Variants in TENT4A observed in about 807,000 individuals in gnomAD.
TENT4A encodes terminal nucleotidyltransferase 4A.
Under a neutral mutation model 72.8 loss-of-function variants are expected in TENT4A, and 7 were observed. The ratio of observed to expected loss-of-function variants is 0.10; its 90% CI spans 0.05 to 0.18. The LOEUF (loss-of-function observed/expected upper bound fraction) is 0.18, where lower values mean the gene tolerates loss of function less well. Among genes scored for constraint, TENT4A ranks in the 10% least tolerant of loss-of-function variants. The pLI, the probability that TENT4A is intolerant of heterozygous loss-of-function variation, is 1.00. For synonymous variants in TENT4A, 456 were observed against 434.3 expected, an observed-to-expected ratio of 1.05 and a Z score of -0.62; for missense variants, 831 against 1,017.7, an observed-to-expected ratio of 0.82 and a Z score of 2.50.
chr5:6,751,746 AT>A (rs1742419542), intron 11 of TENT4A, among the ~76,000 whole-genome samples: 2 of 152,354 alleles, frequency 1.3e-5, no homozygotes, highest in South Asian at 4.1e-4. Flanking sequence ...TCTACTTGCG[AT>A]TATACATCAC....
intron 2 of TENT4A, among the ~76,000 whole-genome samples, chr5:6,737,906 T>TGG (rs951146422): frequency 7.7e-6 from 1 of 129,554 alleles, no homozygotes; most frequent in African/African-American, 2.7e-5. Flanking sequence ...AGGGATTTGT[T>TGG]GGGTTTTTTT....
chr5:6,750,269 G>C (rs1277629196), intron 9 of TENT4A, 62 bp from the exon 10 acceptor site: 21 of 1,435,544 alleles, frequency 1.5e-5, no homozygotes, highest in Non-Finnish European at 1.9e-5. Context: ...GACTGATGCT[G>C]CCGGGGCGGC....
intron 1 of TENT4A, among the ~76,000 whole-genome samples, chr5:6,736,580 T>A (rs1440496931): frequency 6.6e-6 from 1 of 152,232 alleles, no homozygotes; most frequent in African/African-American, 2.4e-5. Flanking sequence ...AATTAATCCC[T>A]TAAAGGAAAA....
At position 6,754,860 on chromosome 5, in the gene TENT4A, G is replaced by A; in HGVS notation, c.2294G>A (p.Gly765Glu). The A allele has an allele frequency of 6.2e-7, 1 of 1,610,288 alleles. No homozygotes were observed. Among genetic ancestry groups the A allele is most frequent in the Non-Finnish European group, 8.5e-7 (1 of 1,177,416 alleles). ...GTGCGGCCCCCTGTGGGCAACAGGG[G>A]ACACCACCAGTATAACCGCACCGGC... is the stretch of plus-strand genomic sequence containing the variant. ...GGVRPPVGNR[G>E]HHQYNRTGWR... Residue 765 changes from glycine (G) to glutamate (E), a missense_variant, in exon 13 of 13, where the codon GGA becomes GAA. Physicochemically the swap from Gly to Glu is moderately conservative, Grantham distance 98. This residue lies in a region of TENT4A where 332 missense variants were observed against 324.3 expected (regional missense o/e 1.02). Transcript: ENST00000230859.
intron 8 of TENT4A, 28 bp downstream of exon 8, chr5:6,748,618 C>A: frequency 6.3e-7 from 1 of 1,596,606 alleles, no homozygotes. Context: ...TGCGTCTGGG[C>A]TCAGCGTGCC....
In TENT4A at chr5:6,714,655, C is replaced by G; in HGVS notation, c.672C>G (p.Pro224=). The G allele has an allele frequency of 3.3e-6, 4 of 1,198,746 alleles. No homozygotes were observed. The highest frequency in any genetic ancestry group is 4.2e-5 in the South Asian group (1 of 24,074). 74.3% of individuals were successfully genotyped at this position (1,198,746 alleles called of 1,614,324 possible). Residue 224 remains proline, a synonymous_variant, in exon 1 of 13, where the codon CCC becomes CCG. Transcript: ENST00000230859. Reference sequence around the variant, plus strand: ...GCCCCGGGGCCCAGGCGCCGCGGCCCGGCACCCCGTGGAAGAGCCGCGCGT... The same window carrying G: ...GCCCCGGGGCCCAGGCGCCGCGGCCGGGCACCCCGTGGAAGAGCCGCGCGT... ...GGGPGAQAPR[P]GTPWKSRAYS...
chr5:6,714,414 G>A lies in TENT4A; in HGVS notation c.431G>A (p.Gly144Asp), dbSNP rs1740253327. ...SSASLGRPGGGRGGAFFNFAD... is the reference protein window; with the variant it reads ...SSASLGRPGGDRGGAFFNFAD... ...GCCTCGCTGGGCCGGCCGGGCGGCGGCCGCGGCGGCGCCTTCTTCAACTTC... is the reference window on the plus strand; with the variant it reads ...GCCTCGCTGGGCCGGCCGGGCGGCGACCGCGGCGGCGCCTTCTTCAACTTC... Residue 144 changes from glycine to aspartate, a missense_variant, in exon 1 of 13, where the codon GGC becomes GAC. Physicochemically the swap from Gly to Asp is moderately conservative, Grantham distance 94 (BLOSUM62 -1). Coordinates refer to ENST00000230859, the MANE Select transcript of TENT4A (RefSeq NM_006999.6). 1 of 1,149,576 alleles carries A rather than the reference G, an allele frequency of 8.7e-7. No individual in the cohort carries two copies. The highest frequency in any genetic ancestry group is 1.1e-6 in the Non-Finnish European group (1 of 935,648). The allele number at this position is 1,149,576 out of a possible 1,614,324, so 71.2% of individuals were successfully genotyped here.
rs753888655 is a variant in TENT4A, at chr5:6,739,851, C to T, written c.1007C>T (p.Thr336Met). The change falls in exon 4 of 13, where the codon ACG becomes ATG. Residue 336 changes from threonine to methionine, a missense_variant and splice_region_variant. By Grantham distance (81) the Thr-to-Met change is moderately conservative. Transcript: ENST00000230859. ...TCCATCAAAGTCCTTGACAAGGCTA[C>T]GGTGAGTGCCTGGCTTTGGCCCCTC... ...PCSIKVLDKA[T>M]VPIIKLTDQE... is the part of the protein sequence containing the mutation. 3.7e-6 allele frequency: 6 copies of T among 1,613,506 alleles called. No homozygotes were observed. The highest frequency in any genetic ancestry group is 3.4e-6 in the Non-Finnish European group (4 of 1,179,430).
intron 1 of TENT4A, among the ~76,000 whole-genome samples, chr5:6,726,846 A>G (rs1360235786): frequency 6.6e-6 from 1 of 152,092 alleles, no homozygotes; most frequent in Non-Finnish European, 1.5e-5. Context: ...TGCTTGCTTG[A>G]GGATCCGGAT....
Position 6,754,901 on chromosome 5 carries a change from C to T in TENT4A, c.2335C>T (p.His779Tyr). Residue 779 changes from histidine to tyrosine, a missense_variant, in exon 13 of 13, where the codon CAC becomes TAC. His to Tyr is a moderately conservative substitution (Grantham distance 83). Around this residue, in one of 3 missense-constraint regions of TENT4A, gnomAD observed 332 missense variants for 324.3 expected, o/e 1.02. Transcript: ENST00000230859. ...CCGCACCGGCTGGAGGAGGAAAAAA[C>T]ACACACACACACGGGACAGTCTGCC... ...YNRTGWRRKK[H>Y]THTRDSLPVS... 7 of 1,502,428 alleles carry T rather than the reference C, an allele frequency of 4.7e-6. No homozygotes were observed. Among genetic ancestry groups the T allele is most frequent in the Non-Finnish European group, 4.5e-6 (5 of 1,104,642 alleles). The allele number at this position is 1,502,428 out of a possible 1,614,324, so 93.1% of individuals were successfully genotyped here. A position where few individuals can be genotyped will look rare whatever the true frequency, so the allele number is the denominator to read the frequency against.
At chr5:6,753,390 C>G (rs1442457154) in intron 12 of TENT4A, among the ~76,000 whole-genome samples, 1 of 152,134 alleles carries the variant, frequency 6.6e-6, no homozygotes, top group Non-Finnish European at 1.5e-5. Context: ...ATGATAAAAC[C>G]AAGAGCAGAT....
At chr5:6,742,425 A>G in intron 4 of TENT4A, 65 bp from the exon 5 acceptor site, 5 of 1,035,024 alleles carry the variant, frequency 4.8e-6, no homozygotes, top group Non-Finnish European at 7.6e-6. Flanking sequence ...CTTTGGCAGC[A>G]TTTTGATGCC....
chr5:6,714,673 C>T lies in TENT4A; in HGVS notation c.690C>T (p.Ser230=), dbSNP rs1740269015. 5 of 1,196,444 alleles carry T rather than the reference C, an allele frequency of 4.2e-6. No individual in the cohort carries two copies. The highest frequency in any genetic ancestry group is 8.9e-5 in the Admixed American group (2 of 22,408). The allele number at this position is 1,196,444 out of a possible 1,614,324, so 74.1% of individuals were successfully genotyped here. The change falls in exon 1 of 13, where the codon AGC becomes AGT. Residue 230 remains serine (S), a synonymous_variant. Coordinates refer to ENST00000230859, the MANE Select transcript of TENT4A (RefSeq NM_006999.6). ...CGCGGCCCGGCACCCCGTGGAAGAGCCGCGCGTACAGCCCGGGCATCCAGG... is the reference window on the plus strand; with the variant it reads ...CGCGGCCCGGCACCCCGTGGAAGAGTCGCGCGTACAGCCCGGGCATCCAGG... The part of the protein sequence containing the change: ...QAPRPGTPWK[S]RAYSPGIQGL...
At chr5:6,753,673 T>C (rs1229144597) in intron 12 of TENT4A, among the ~76,000 whole-genome samples, 2 of 152,258 alleles carry the variant, frequency 1.3e-5, no homozygotes, top group Non-Finnish European at 2.9e-5. Context: ...TTCCTTGGGC[T>C]CTGCGGATGC....
intron 1 of TENT4A, among the ~76,000 whole-genome samples, chr5:6,722,381 C>G (rs529735868): frequency 2.6e-5 from 4 of 152,166 alleles, no homozygotes; most frequent in Admixed American, 6.5e-5. Context: ...GAAAATACAA[C>G]TTCCACTTTC....
At chr5:6,747,734 A>G (rs1211639044) in intron 7 of TENT4A, among the ~76,000 whole-genome samples, 1 of 152,260 alleles carries the variant, frequency 6.6e-6, no homozygotes, top group Admixed American at 6.5e-5. Context: ...AATCTAGAAA[A>G]GATAAAACTC....
chr5:6,735,347 C>G (rs1741426580), intron 1 of TENT4A, among the ~76,000 whole-genome samples: 1 of 152,156 alleles, frequency 6.6e-6, no homozygotes, highest in African/African-American at 2.4e-5. Flanking sequence ...GACAGACTTG[C>G]CAGTGCTGTT....
Position 6,714,150 on chromosome 5 carries a change from C to T in TENT4A, c.167C>T (p.Ala56Val), listed in dbSNP as rs868116868. ...PALDTAAAAGAAGRGSGGLGP... is the reference protein window; with the variant it reads ...PALDTAAAAGVAGRGSGGLGP... The stretch of plus-strand genomic sequence containing the variant: ...CTGGACACGGCGGCCGCGGCGGGGG[C>T]GGCCGGGCGGGGCAGTGGCGGCCTG... Residue 56 changes from alanine to valine, a missense_variant, in exon 1 of 13, where the codon GCG (alanine) becomes GTG (valine). By Grantham distance (64) the Ala-to-Val change is moderately conservative. Transcript: ENST00000230859. The T allele has an allele frequency of 1.0e-6, 1 of 968,820 alleles. No homozygotes were observed. Among genetic ancestry groups the T allele is most frequent in the Non-Finnish European group, 1.2e-6 (1 of 821,452 alleles). 60.0% of individuals were successfully genotyped at this position (968,820 alleles called of 1,614,324 possible).
rs533070830 is a variant in TENT4A at position 6,724,137 on chromosome 5, G to A, written c.716+9438G>A. Among the ~76,000 whole-genome samples, 29 of 152,278 alleles carry A rather than the reference G, an allele frequency of 1.9e-4. 1 individual carries two copies. The highest frequency in any genetic ancestry group is 7.8e-4 in the Admixed American group (12 of 15,294). Reference sequence around the variant, plus strand: ...GTGATTCAAGCGTCTTGCCCAAGGCGCTACTAGAAAATAAAGGCACTGGTG... The same window carrying A: ...GTGATTCAAGCGTCTTGCCCAAGGCACTACTAGAAAATAAAGGCACTGGTG... On this transcript the variant is annotated intron_variant, in intron 1 of 12. Transcript: ENST00000230859.
Sources: gnomAD v4.1 joint callset for allele counts (sites outside exome capture counted in the v4.1 genomes callset) on GRCh38, gnomAD v4.1.1 for gene constraint, gnomAD v4.1.1 regional missense constraint, MANE v1.5 for transcripts, NCBI Gene and HGNC (gene_info 2026-07-23, HGNC 2026-07-21) for gene names.